The following CACNA2D3 variants were observed in gnomAD, a reference collection of about 807,000 sequenced individuals.
CACNA2D3 encodes voltage-dependent calcium channel subunit alpha-2/delta-3.
CACNA2D3 carries 60 observed loss-of-function variants against 160.6 expected under a neutral mutation model. That is an observed-to-expected ratio of 0.37 (90% CI 0.30 to 0.46). The LOEUF is 0.46. Among genes scored for constraint, CACNA2D3 ranks in the 20% least tolerant of loss-of-function variants. CACNA2D3 has a pLI of 1.00. For missense variants in CACNA2D3, 1,205 were observed against 1,365.0 expected, an observed-to-expected ratio of 0.88 and a Z score of 1.85; for synonymous variants, 558 against 492.9, an observed-to-expected ratio of 1.13 and a Z score of -1.75.
intron 2 of CACNA2D3, among the ~76,000 whole-genome samples, chr3:54,130,604 C>T (rs1699687382): frequency 6.6e-6 from 1 of 152,146 alleles, no homozygotes; most frequent in African/African-American, 2.4e-5. Context: ...CCATTCACCC[C>T]ATTTTACAGA....
At position 54,437,886 on chromosome 3, in the gene CACNA2D3, G is replaced by A. The variant is rs147092147; in HGVS notation, c.381+51112G>A. 4.3e-3 allele frequency among the ~76,000 whole-genome samples: 648 copies of A among 152,316 alleles called. 6 individuals carry two copies. The highest frequency in any genetic ancestry group is 0.015 in the African/African-American group (616 of 41,572). On this transcript the variant is annotated intron_variant, in intron 4 of 37. Transcript: ENST00000474759. ...AGACAGACACTCATTGGCTGAGAGT[G>A]TTTGCAGTTGGTGCACTGTCACATG...
chr3:54,246,168 A>G (rs1043096839), intron 2 of CACNA2D3, among the ~76,000 whole-genome samples: 4 of 152,206 alleles, frequency 2.6e-5, no homozygotes, highest in African/African-American at 9.7e-5. Flanking sequence ...GGCTCGAAGG[A>G]AAAATATTCC....
chr3:54,935,224 C>G (rs1701299567), intron 27 of CACNA2D3, among the ~76,000 whole-genome samples: 1 of 152,128 alleles, frequency 6.6e-6, no homozygotes, highest in South Asian at 2.1e-4. Context: ...AAGTCTACCT[C>G]TGGGGTAGAC....
chr3:54,645,502 G>A (rs1699616360), intron 11 of CACNA2D3, among the ~76,000 whole-genome samples: 1 of 152,200 alleles, frequency 6.6e-6, no homozygotes, highest in South Asian at 2.1e-4. Flanking sequence ...GTCCCCATTA[G>A]GCAGCAAATG....
chr3:54,762,954 G>A (rs1702106000), intron 12 of CACNA2D3, among the ~76,000 whole-genome samples: 1 of 152,106 alleles, frequency 6.6e-6, no homozygotes, highest in Admixed American at 6.5e-5. Context: ...CGGGCGTGGT[G>A]GCGGGTGCCT....
At chr3:54,356,588 A>G (rs1443117561) in intron 3 of CACNA2D3, among the ~76,000 whole-genome samples, 1 of 152,182 alleles carries the variant, frequency 6.6e-6, no homozygotes, top group East Asian at 1.9e-4. Context: ...AGATGCTGCC[A>G]GCACACAGAG....
chr3:54,638,603 T>TG (rs1699432246), intron 10 of CACNA2D3: 1 of 151,770 alleles, frequency 6.6e-6, no homozygotes, highest in South Asian at 2.1e-4. Context: ...CAGTGACGCT[T>TG]GGGGTTGGTA....
intron 35 of CACNA2D3, among the ~76,000 whole-genome samples, chr3:55,068,605 G>C (rs890824483): frequency 6.6e-6 from 1 of 151,896 alleles, no homozygotes; most frequent in African/African-American, 2.4e-5. Flanking sequence ...TTAAATACTG[G>C]TACTTTACGT....
intron 13 of CACNA2D3, among the ~76,000 whole-genome samples, chr3:54,803,580 T>C (rs913757185): frequency 2.0e-5 from 3 of 152,174 alleles, no homozygotes; most frequent in East Asian, 1.9e-4. Context: ...TACATCTGAT[T>C]GGTGTACCTG....
chr3:54,896,100 T>G (rs1700181699), intron 25 of CACNA2D3, among the ~76,000 whole-genome samples: 1 of 152,060 alleles, frequency 6.6e-6, no homozygotes, highest in South Asian at 2.1e-4. Flanking sequence ...ATGAGTGTGA[T>G]TTTGAAAGGA....
At chr3:54,531,980 C>T (rs1166761603) in intron 5 of CACNA2D3, among the ~76,000 whole-genome samples, 1 of 152,190 alleles carries the variant, frequency 6.6e-6, no homozygotes, top group Non-Finnish European at 1.5e-5. Flanking sequence ...TGTCTTGCCT[C>T]TCCGCGAGCC....
intron 5 of CACNA2D3, among the ~76,000 whole-genome samples, chr3:54,524,541 A>G (rs547081765): frequency 2.0e-5 from 3 of 152,154 alleles, no homozygotes; most frequent in East Asian, 1.9e-4. Context: ...TTCCATATTA[A>G]TCTTCTGCCT....
At chr3:54,596,393 C>T (rs1702955072) in intron 9 of CACNA2D3, among the ~76,000 whole-genome samples, 1 of 152,170 alleles carries the variant, frequency 6.6e-6, no homozygotes, top group African/African-American at 2.4e-5. Context: ...TCCCTGCTTG[C>T]ATTTCATCAC....
intron 11 of CACNA2D3, among the ~76,000 whole-genome samples, chr3:54,675,362 T>A (rs1700220984): frequency 6.6e-6 from 1 of 151,464 alleles, no homozygotes; most frequent in African/African-American, 2.4e-5. Context: ...ACACAAGGAG[T>A]TTGGGACAAC....
At chr3:55,024,435 T>TA (rs146277419) in intron 35 of CACNA2D3, among the ~76,000 whole-genome samples, 227 of 152,172 alleles carry the variant, frequency 1.5e-3, no homozygotes, top group African/African-American at 5.2e-3. Context: ...CCCAATGTGA[T>TA]AGTATTAAGA....
chr3:54,289,021 G>A (rs932916818), intron 2 of CACNA2D3, among the ~76,000 whole-genome samples: 1 of 152,158 alleles, frequency 6.6e-6, no homozygotes, highest in African/African-American at 2.4e-5. Flanking sequence ...AGACAGGGAT[G>A]CCCTCTCTCA....
intron 5 of CACNA2D3, among the ~76,000 whole-genome samples, chr3:54,520,809 C>G (rs1379601566): frequency 6.6e-6 from 1 of 152,166 alleles, no homozygotes; most frequent in Non-Finnish European, 1.5e-5. Context: ...AATGATCTTT[C>G]TGTCCCTATA....
chr3:54,885,723 A>G (rs540998560), intron 23 of CACNA2D3, 137 bp downstream of exon 23: 2 of 654,652 alleles, frequency 3.1e-6, no homozygotes, highest in African/African-American at 1.8e-5. Context: ...CTAATCAAAT[A>G]TCTGCTTCCT....
intron 11 of CACNA2D3, among the ~76,000 whole-genome samples, chr3:54,703,066 G>A (rs534238585): frequency 3.3e-5 from 5 of 152,084 alleles, no homozygotes; most frequent in African/African-American, 7.2e-5. Flanking sequence ...GATAGACACC[G>A]GGGCTTATAT....
Sources: gnomAD v4.1 joint callset for allele counts (sites outside exome capture counted in the v4.1 genomes callset) on GRCh38, gnomAD v4.1.1 for gene constraint, MANE v1.5 for transcripts, NCBI Gene and HGNC (gene_info 2026-07-23, HGNC 2026-07-21) for gene names.